CTNND2: variants seen among roughly 807,000 people sequenced by gnomAD.
The protein encoded by CTNND2 is catenin delta 2, also known as catenin delta-2.
In CTNND2, 22 loss-of-function variants were observed where a neutral mutation model predicts 144.4. The observed-to-expected ratio is 0.15, with a 90% CI of 0.11 to 0.22. The LOEUF (loss-of-function observed/expected upper bound fraction) is 0.22, where lower values mean the gene tolerates loss of function less well. Ranked by LOEUF, CTNND2 falls within the 10% of genes least tolerant of loss-of-function variation. CTNND2 has a pLI of 1.00. For missense variants in CTNND2, 1,353 were observed against 1,618.8 expected (o/e 0.84, Z 2.82); for synonymous variants, 751 against 695.6 (o/e 1.08, Z -1.25).
intron 1 of CTNND2, among the ~76,000 whole-genome samples, chr5:11,817,670 G>T (rs1312211981): frequency 6.6e-6 from 1 of 152,044 alleles, no homozygotes; most frequent in African/African-American, 2.4e-5. Flanking sequence ...AAATCAGACT[G>T]TTTTTATATG....
intron 1 of CTNND2, among the ~76,000 whole-genome samples, chr5:11,734,294 T>A (rs1018155096): frequency 6.6e-6 from 1 of 152,164 alleles, no homozygotes; most frequent in African/African-American, 2.4e-5. Flanking sequence ...CAAGGTGATA[T>A]GGTTTGACTA....
At chr5:11,378,759 C>A (rs922608882) in intron 7 of CTNND2, among the ~76,000 whole-genome samples, 2 of 152,094 alleles carry the variant, frequency 1.3e-5, no homozygotes, top group Admixed American at 1.3e-4. Flanking sequence ...GCAGAGATTG[C>A]GAAGCTTTCA....
chr5:11,596,775 G>C (rs73742870), intron 2 of CTNND2, among the ~76,000 whole-genome samples: 1 of 152,148 alleles, frequency 6.6e-6, no homozygotes, highest in Admixed American at 6.6e-5. Context: ...GGAGGTGAGG[G>C]TTACAGGTGG....
chr5:11,269,043 C>T (rs2021727), intron 9 of CTNND2, among the ~76,000 whole-genome samples: 1 of 152,200 alleles, frequency 6.6e-6, no homozygotes, highest in African/African-American at 2.4e-5. Context: ...AACAACACAG[C>T]TAAGAGCATG....
intron 9 of CTNND2, among the ~76,000 whole-genome samples, chr5:11,307,984 A>G (rs375633762): frequency 2.6e-5 from 4 of 152,308 alleles, no homozygotes; most frequent in South Asian, 4.1e-4. Context: ...TTCTCTTTCC[A>G]CCATGTGAGG....
intron 3 of CTNND2, among the ~76,000 whole-genome samples, chr5:11,436,535 T>C (rs1763791286): frequency 3.9e-5 from 6 of 152,254 alleles, no homozygotes; most frequent in Admixed American, 3.3e-4. Context: ...ATCTACTTTT[T>C]TCTTTATCGA....
intron 1 of CTNND2, among the ~76,000 whole-genome samples, chr5:11,814,046 T>C (rs919547134): frequency 3.3e-5 from 5 of 152,246 alleles, no homozygotes; most frequent in African/African-American, 1.2e-4. Flanking sequence ...TTTTCTTTAA[T>C]GTGTATTTAC....
rs1451128275 is a variant in CTNND2 at position 11,108,869 on chromosome 5, T to C, written c.2463+1989A>G. The stretch of plus-strand genomic sequence containing the variant: ...GACACCATCACAGGATCGTTGGCCA[T>C]AGACCAAGGTGAAAACAAACCAAAA... On this transcript the variant is annotated intron_variant, in intron 14 of 21. Coordinates refer to ENST00000304623, the MANE Select transcript of CTNND2 (RefSeq NM_001332.4). Among the ~76,000 whole-genome samples the C allele has an allele frequency of 2.0e-5, 3 of 152,140 alleles. No individual in the cohort carries two copies. The East Asian group carries it at 5.8e-4, about 29-fold the overall frequency.
chr5:11,044,545 CATAT>C (rs35127513), intron 16 of CTNND2, among the ~76,000 whole-genome samples: 40,668 of 146,654 alleles, frequency 0.28, 7,486 homozygotes, highest in East Asian at 0.59. Flanking sequence ...AAAAAAAATA[CATAT>C]ATATATATAT....
intron 10 of CTNND2, among the ~76,000 whole-genome samples, chr5:11,212,014 T>C (rs184460171): frequency 1.3e-3 from 197 of 152,354 alleles, no homozygotes; most frequent in Middle Eastern, 3.4e-3. Flanking sequence ...TATAATTTGC[T>C]TTATTATATG....
chr5:11,729,469 T>C (rs950192363), intron 2 of CTNND2, among the ~76,000 whole-genome samples: 2 of 152,190 alleles, frequency 1.3e-5, no homozygotes, highest in Admixed American at 1.3e-4. Context: ...GATAATACCA[T>C]ACTATGTAAT....
chr5:11,888,597 C>A (rs1736730238), intron 1 of CTNND2, among the ~76,000 whole-genome samples: 2 of 152,126 alleles, frequency 1.3e-5, no homozygotes, highest in South Asian at 4.1e-4. Context: ...TAATCAGCTC[C>A]TCCATTGAGG....
chr5:11,149,754 A>T (rs1757575149), intron 12 of CTNND2, among the ~76,000 whole-genome samples: 1 of 152,162 alleles, frequency 6.6e-6, no homozygotes, highest in Non-Finnish European at 1.5e-5. Context: ...GGTCCTAAAA[A>T]GCCAGTGTGG....
At chr5:11,858,376 G>A (rs1795344431) in intron 1 of CTNND2, among the ~76,000 whole-genome samples, 1 of 152,110 alleles carries the variant, frequency 6.6e-6, no homozygotes, top group African/African-American at 2.4e-5. Context: ...GGGGGTGGAA[G>A]GTCAGATGAC....
intron 1 of CTNND2, among the ~76,000 whole-genome samples, chr5:11,802,296 AGTG>A (rs1791733409): frequency 6.7e-6 from 1 of 150,270 alleles, no homozygotes; most frequent in Non-Finnish European, 1.5e-5. Flanking sequence ...GTCCAAGTGC[AGTG>A]GCTCATGCCT....
intron 1 of CTNND2, among the ~76,000 whole-genome samples, chr5:11,736,389 C>T (rs955448477): frequency 2.6e-5 from 4 of 152,154 alleles, no homozygotes; most frequent in South Asian, 4.1e-4. Flanking sequence ...CTTATTCCAC[C>T]GTACAGAGCT....
At chr5:11,090,727 G>A (rs1336687309) in intron 15 of CTNND2, among the ~76,000 whole-genome samples, 1 of 152,134 alleles carries the variant, frequency 6.6e-6, no homozygotes, top group Non-Finnish European at 1.5e-5. Flanking sequence ...CTGCTTTAGG[G>A]ATAGGCTGTG....
chr5:11,562,925 T>G (rs1294639576), intron 3 of CTNND2, among the ~76,000 whole-genome samples: 1 of 152,228 alleles, frequency 6.6e-6, no homozygotes, highest in African/African-American at 2.4e-5. Context: ...CGGCTCTCAC[T>G]GACTTTCAGG....
At chr5:11,296,037 T>C (rs902609290) in intron 9 of CTNND2, among the ~76,000 whole-genome samples, 9 of 146,496 alleles carry the variant, frequency 6.1e-5, no homozygotes, top group African/African-American at 2.0e-4. Flanking sequence ...ACCATCAGAG[T>C]GAACAGGCAA....
Sources: gnomAD v4.1 joint callset for allele counts (sites outside exome capture counted in the v4.1 genomes callset) on GRCh38, gnomAD v4.1.1 for gene constraint, MANE v1.5 for transcripts, NCBI Gene and HGNC (gene_info 2026-07-23, HGNC 2026-07-21) for gene names.